The following LRRIQ3 variants were observed in gnomAD, a reference collection of about 807,000 sequenced individuals.
LRRIQ3 encodes leucine-rich repeat and IQ domain-containing protein 3.
Under a neutral mutation model 59.3 loss-of-function variants are expected in LRRIQ3, and 75 were observed. The ratio of observed to expected loss-of-function variants is 1.26; its 90% CI spans 1.05 to 1.53. The LOEUF (loss-of-function observed/expected upper bound fraction) is 1.53, where lower values mean the gene tolerates loss of function less well. LRRIQ3 is among the 40% of genes most tolerant of loss of function. LRRIQ3 has a pLI of 0.00. For synonymous variants in LRRIQ3, 250 were observed against 231.3 expected (o/e 1.08, Z -0.73); for missense variants, 831 against 710.0 (o/e 1.17, Z -1.94).
At chr1:74,184,797 T>C (rs565926853) in intron 1 of LRRIQ3, among the ~76,000 whole-genome samples, 1 of 152,250 alleles carries the variant, frequency 6.6e-6, no homozygotes, top group Admixed American at 6.5e-5. Context: ...CTTAAAAATA[T>C]AGAGTCAGAT....
rs1042933676 is a variant in LRRIQ3 at position 74,040,478 on chromosome 1, C to A, written c.1718+735G>T. Among the ~76,000 whole-genome samples the A allele has an allele frequency of 2.0e-5, 3 of 152,206 alleles. No individual in the cohort carries two copies. The East Asian group carries it at 5.8e-4, about 29-fold the overall frequency. ...TACAGAATTCTCTACACCAAATCAA[C>A]AGAATATACATTCTTCTCAGTGCCA... On this transcript the variant is annotated intron_variant, in intron 7 of 7. Transcript: ENST00000354431.
chr1:74,107,986 G>T (rs1646637292), intron 5 of LRRIQ3, among the ~76,000 whole-genome samples: 1 of 151,398 alleles, frequency 6.6e-6, no homozygotes, highest in Admixed American at 6.6e-5. Context: ...CAAAATACTT[G>T]CAAAACCTTG....
chr1:74,130,287 G>A (rs1180916575), intron 4 of LRRIQ3, among the ~76,000 whole-genome samples: 1 of 152,078 alleles, frequency 6.6e-6, no homozygotes. Flanking sequence ...TCTGACCACT[G>A]GGATGAGCAA....
intron 3 of LRRIQ3, among the ~76,000 whole-genome samples, chr1:74,161,527 T>C (rs1648656975): frequency 6.6e-6 from 1 of 151,916 alleles, no homozygotes; most frequent in African/African-American, 2.4e-5. Flanking sequence ...TTGAGTGTAA[T>C]GATGTAAAAG....
chr1:74,033,222 A>C (rs1401528216), intron 7 of LRRIQ3, among the ~76,000 whole-genome samples: 1 of 152,076 alleles, frequency 6.6e-6, no homozygotes, highest in Non-Finnish European at 1.5e-5. Context: ...TTTTATCCAA[A>C]TACAGGAAAT....
intron 4 of LRRIQ3, among the ~76,000 whole-genome samples, chr1:74,127,691 TGTA>T: frequency 6.6e-6 from 1 of 152,058 alleles, no homozygotes; most frequent in Middle Eastern, 3.4e-3. Flanking sequence ...GAAAAGTTGT[TGTA>T]GTTATTATTT....
intron 3 of LRRIQ3, among the ~76,000 whole-genome samples, chr1:74,162,367 G>C (rs1285832058): frequency 6.6e-6 from 1 of 151,760 alleles, no homozygotes; most frequent in Admixed American, 6.6e-5. Context: ...AGGAATTATA[G>C]TAAAGGCTTA....
At chr1:74,154,400 A>C (rs1325443510) in intron 4 of LRRIQ3, among the ~76,000 whole-genome samples, 1 of 152,106 alleles carries the variant, frequency 6.6e-6, no homozygotes, top group Non-Finnish European at 1.5e-5. Context: ...AAGAAATTCA[A>C]GCCCAGCATA....
chr1:74,068,314 T>C (rs538643939), intron 6 of LRRIQ3, among the ~76,000 whole-genome samples: 2 of 152,182 alleles, frequency 1.3e-5, no homozygotes, highest in African/African-American at 2.4e-5. Context: ...TCAATGTGGG[T>C]CAGGAGGACC....
intron 7 of LRRIQ3, among the ~76,000 whole-genome samples, chr1:74,037,227 AG>A (rs1184495299): frequency 6.6e-6 from 1 of 152,088 alleles, no homozygotes; most frequent in Non-Finnish European, 1.5e-5. Context: ...TATTTTCTTG[AG>A]GGGGTGGGGC....
At chr1:74,132,242 G>A (rs113014572) in intron 4 of LRRIQ3, among the ~76,000 whole-genome samples, 3,234 of 152,152 alleles carry the variant, frequency 0.021, 113 homozygotes, top group African/African-American at 0.074. Context: ...ACAAATGGAA[G>A]AACATTCCAT....
chr1:74,195,265 T>C (rs1025063245), intron 1 of LRRIQ3, among the ~76,000 whole-genome samples: 1 of 152,172 alleles, frequency 6.6e-6, no homozygotes, highest in Non-Finnish European at 1.5e-5. Context: ...AACAGAGCCA[T>C]GAAGCACAAG....
chr1:74,127,322 A>C (rs1646949904), intron 4 of LRRIQ3, among the ~76,000 whole-genome samples: 1 of 151,754 alleles, frequency 6.6e-6, no homozygotes, highest in South Asian at 2.1e-4. Context: ...TTTTGATTGG[A>C]GAGGTTAGTC....
At chr1:74,043,289 G>T (rs1654101803) in intron 6 of LRRIQ3, among the ~76,000 whole-genome samples, 1 of 152,034 alleles carries the variant, frequency 6.6e-6, no homozygotes, top group Non-Finnish European at 1.5e-5. Context: ...ATCTTCCTTA[G>T]AAAATTACCT....
chr1:74,074,713 T>G lies in LRRIQ3; in HGVS notation c.945A>C (p.Lys315Asn), dbSNP rs138677081. ...KHVSSILCEL[K>N]PKDLGMKSKT... ...TTGATTTCATGCCTAGATCTTTTGG[T>G]TTTAATTCACATAAAATAGATGACA... The change falls in exon 6 of 8, where the codon AAA becomes AAC. Residue 315 changes from lysine (K) to asparagine (N), a missense_variant. By Grantham distance (94) the Lys-to-Asn change is moderately conservative (BLOSUM62 0). Transcript: ENST00000354431. 1.4e-6 allele frequency: 2 copies of G among 1,467,108 alleles called. No individual in the cohort carries two copies. Among genetic ancestry groups the G allele is most frequent in the East Asian group, 2.5e-5 (1 of 39,388 alleles). The allele number at this position is 1,467,108 out of a possible 1,614,324, so 90.9% of individuals were successfully genotyped here.
At chr1:74,140,159 A>G (rs1426141110) in intron 4 of LRRIQ3, among the ~76,000 whole-genome samples, 1 of 151,928 alleles carries the variant, frequency 6.6e-6, no homozygotes, top group East Asian at 1.9e-4. Flanking sequence ...TTAAAAAATC[A>G]AACTCTGTTA....
At chr1:74,049,168 G>C (rs1557592680) in intron 6 of LRRIQ3, among the ~76,000 whole-genome samples, 1 of 152,174 alleles carries the variant, frequency 6.6e-6, no homozygotes, top group East Asian at 1.9e-4. Flanking sequence ...GGGATACAGA[G>C]AGAAAGCCAC....
chr1:74,119,017 TAAC>T (rs1359599111), intron 4 of LRRIQ3, among the ~76,000 whole-genome samples: 2 of 152,180 alleles, frequency 1.3e-5, no homozygotes, highest in African/African-American at 4.8e-5. Flanking sequence ...TCTACCGTTA[TAAC>T]AACATCTGGG....
chr1:74,041,210 T>C lies in LRRIQ3; in HGVS notation c.1718+3A>G. The C allele has an allele frequency of 6.4e-7, 1 of 1,557,754 alleles. No individual in the cohort carries two copies. The highest frequency in any genetic ancestry group is 8.7e-7 in the Non-Finnish European group (1 of 1,149,404). The stretch of plus-strand genomic sequence containing the variant: ...GCCTCTGTTATATCTAAATTGTACC[T>C]ACCTAACTTTTTTCATTTCTTTAAG... On this transcript the variant is annotated splice_donor_region_variant and intron_variant, in intron 7 of 7. Transcript: ENST00000354431.
Sources: allele counts gnomAD v4.1 joint callset (sites outside exome capture counted in the v4.1 genomes callset), GRCh38; gene constraint gnomAD v4.1.1; transcripts MANE v1.5; gene names NCBI Gene and HGNC (gene_info 2026-07-23, HGNC 2026-07-21).